Variants in ABCC1 observed in about 807,000 individuals in gnomAD.
ABCC1 encodes the protein ATP binding cassette subfamily C member 1 (ABCC1 blood group).
A neutral mutation model predicts 172.9 loss-of-function variants in ABCC1; 83 were observed. The observed-to-expected ratio is 0.48, with a 90% confidence interval of 0.40 to 0.58. The LOEUF (loss-of-function observed/expected upper bound fraction) is 0.58. ABCC1 is among the 20% of genes least tolerant of loss of function. The pLI is 0.00. For missense variants in ABCC1, 1,817 were observed against 2,002.7 expected, an observed-to-expected ratio of 0.91 and a Z score of 1.77; for synonymous variants, 937 against 825.2, an observed-to-expected ratio of 1.14 and a Z score of -2.32.
intron 9 of ABCC1, among the ~76,000 whole-genome samples, chr16:16,046,752 T>C (rs1175283948): frequency 6.7e-6 from 1 of 148,798 alleles, no homozygotes; most frequent in East Asian, 2.0e-4. Context: ...AATTACCTTC[T>C]TGATCCCTAT....
intron 16 of ABCC1, among the ~76,000 whole-genome samples, chr16:16,082,203 C>T (rs1192103936): frequency 1.3e-5 from 2 of 152,206 alleles, no homozygotes; most frequent in East Asian, 1.9e-4. Flanking sequence ...TCCAGGCCTT[C>T]GCATGTGCTG....
chr16:16,068,200 C>A lies in ABCC1; in HGVS notation c.1722C>A (p.Asn574Lys), dbSNP rs1372214591. 1 of 1,614,056 alleles carries A rather than the reference C, an allele frequency of 6.2e-7. No individual in the cohort carries two copies. The highest frequency in any genetic ancestry group is 1.3e-5 in the African/African-American group (1 of 74,920). ...CCGTCTACGTGACCATTGACGAGAACAACATCCTGGATGCCCAGACAGCCT... is the reference window on the plus strand; with the variant it reads ...CCGTCTACGTGACCATTGACGAGAAAAACATCCTGGATGCCCAGACAGCCT... ...TFAVYVTIDE[N>K]NILDAQTAFV... Residue 574 changes from asparagine (N) to lysine (K), a missense_variant, in exon 13 of 31, where the codon AAC becomes AAA. Physicochemically the swap from Asn to Lys is moderately conservative, Grantham distance 94 (BLOSUM62 0). Around this residue, in one of 3 missense-constraint regions of ABCC1, gnomAD observed 1,412 missense variants for 1,600.3 expected, o/e 0.88. Transcript: ENST00000399410.
chr16:16,142,157 GAT>G lies in ABCC1; in HGVS notation c.*877_*878del, dbSNP rs542510283. The stretch of plus-strand genomic sequence containing the variant: ...ATGCTGTTATTACTGTTCCCACCAT[GAT>G]TGATGTGGGGTAAATATTAAGGAGA... On this transcript the variant is annotated 3_prime_UTR_variant, in exon 31 of 31. Transcript: ENST00000399410. 2 of 148,718 alleles carry G rather than the reference GAT, an allele frequency of 1.3e-5. No homozygotes were observed. Among genetic ancestry groups the G allele is most frequent in the Non-Finnish European group, 3.0e-5 (2 of 67,296 alleles). 9.2% of individuals were successfully genotyped at this position (148,718 alleles called of 1,614,324 possible).
At chr16:15,962,802 T>C (rs1405758831) in intron 1 of ABCC1, among the ~76,000 whole-genome samples, 1 of 152,184 alleles carries the variant, frequency 6.6e-6, no homozygotes, top group Non-Finnish European at 1.5e-5. Flanking sequence ...AAGATTACAA[T>C]TCAAGATGAG....
chr16:15,981,130 CT>C, intron 1 of ABCC1, among the ~76,000 whole-genome samples: 1 of 152,366 alleles, frequency 6.6e-6, no homozygotes. Flanking sequence ...AGCTCTGCCC[CT>C]GTGGCTTTGC....
At chr16:16,121,339 GC>G (rs1477851987) in intron 23 of ABCC1, among the ~76,000 whole-genome samples, 1 of 152,188 alleles carries the variant, frequency 6.6e-6, no homozygotes, top group Non-Finnish European at 1.5e-5. Flanking sequence ...ACCCCACCTG[GC>G]CGAGCAAGCC....
chr16:16,094,430 C>T, intron 19 of ABCC1: 1 of 181,672 alleles, frequency 5.5e-6, no homozygotes. Context: ...CATGTTGTTT[C>T]TGTAAAGTGG....
At chr16:16,124,994 T>C in intron 25 of ABCC1, 79 bp downstream of exon 25, 2 of 1,595,802 alleles carry the variant, frequency 1.3e-6, no homozygotes, top group Non-Finnish European at 1.7e-6. Flanking sequence ...GGATTCCAGC[T>C]CCAACAGGAA....
At chr16:16,069,998 A>G (rs997918299) in intron 13 of ABCC1, among the ~76,000 whole-genome samples, 3 of 152,106 alleles carry the variant, frequency 2.0e-5, no homozygotes, top group South Asian at 2.1e-4. Flanking sequence ...GTGCCACTGC[A>G]CTCCAGCCTG....
intron 14 of ABCC1, among the ~76,000 whole-genome samples, chr16:16,075,745 C>T (rs932325445): frequency 3.3e-5 from 5 of 152,154 alleles, no homozygotes; most frequent in South Asian, 4.1e-4. Context: ...TTGAGTTTAT[C>T]GTGATGGATG....
chr16:16,096,801 C>T (rs186504748), intron 19 of ABCC1, among the ~76,000 whole-genome samples: 22 of 152,202 alleles, frequency 1.4e-4, no homozygotes, highest in Admixed American at 9.8e-4. Context: ...CAGCACTTAA[C>T]GTACGTGGGT....
At chr16:16,007,733 T>TG in intron 1 of ABCC1, 83 bp from the exon 2 acceptor site, 1 of 1,373,902 alleles carries the variant, frequency 7.3e-7, no homozygotes, top group Non-Finnish European at 9.9e-7. Flanking sequence ...TCAAACCCCG[T>TG]GGCAGCTGGT....
At chr16:15,980,393 A>G (rs950606888) in intron 1 of ABCC1, among the ~76,000 whole-genome samples, 5 of 152,124 alleles carry the variant, frequency 3.3e-5, no homozygotes, top group African/African-American at 1.2e-4. Flanking sequence ...GGTAGTTTAT[A>G]AGGGAAAGAG....
At chr16:16,082,831 A>T (rs1005285596) in intron 16 of ABCC1, among the ~76,000 whole-genome samples, 8 of 152,078 alleles carry the variant, frequency 5.3e-5, no homozygotes, top group Non-Finnish European at 1.2e-4. Flanking sequence ...TATTTTTTTT[A>T]GAGATGGGAT....
chr16:16,104,000 G>A (rs936563149), intron 20 of ABCC1, among the ~76,000 whole-genome samples: 1 of 152,128 alleles, frequency 6.6e-6, no homozygotes, highest in African/African-American at 2.4e-5. Context: ...GAGTGAAGCT[G>A]CAGACCTTCG....
chr16:16,000,495 G>A (rs1356128490), intron 1 of ABCC1, among the ~76,000 whole-genome samples: 4 of 152,088 alleles, frequency 2.6e-5, no homozygotes, highest in Admixed American at 6.6e-5. Flanking sequence ...GAAATTAAGT[G>A]ACTTGCCCAA....
chr16:15,968,476 T>C (rs1036640224), intron 1 of ABCC1, among the ~76,000 whole-genome samples: 2 of 152,112 alleles, frequency 1.3e-5, no homozygotes, highest in African/African-American at 4.8e-5. Flanking sequence ...TGGCGTGATC[T>C]CTGCTCACTG....
chr16:15,971,979 C>T (rs1004106637), intron 1 of ABCC1, among the ~76,000 whole-genome samples: 1 of 152,112 alleles, frequency 6.6e-6, no homozygotes, highest in African/African-American at 2.4e-5. Flanking sequence ...AGAGACGGAA[C>T]CTCCAGGAGT....
chr16:16,009,228 G>T (rs998234882), intron 2 of ABCC1, among the ~76,000 whole-genome samples: 1 of 152,084 alleles, frequency 6.6e-6, no homozygotes, highest in Non-Finnish European at 1.5e-5. Flanking sequence ...CAAAGTGCTG[G>T]TATTACAGGC....
Sources: allele counts gnomAD v4.1 joint callset (sites outside exome capture counted in the v4.1 genomes callset), GRCh38; gene constraint gnomAD v4.1.1; regional missense constraint gnomAD v4.1.1; transcripts MANE v1.5; gene names NCBI Gene and HGNC (gene_info 2026-07-23, HGNC 2026-07-21).